The following PIBF1 variants were observed in gnomAD, a reference collection of about 807,000 sequenced individuals.
PIBF1 encodes the protein progesterone immunomodulatory binding factor 1.
A neutral mutation model predicts 112.5 loss-of-function variants in PIBF1; 90 were observed. The ratio of observed to expected loss-of-function variants is 0.80; its 90% confidence interval spans 0.67 to 0.95. PIBF1 has a LOEUF of 0.95. Among genes scored for constraint, PIBF1 ranks in the 40% least tolerant of loss-of-function variants. PIBF1 has a pLI of 0.00. For synonymous variants in PIBF1, 301 were observed against 288.6 expected (o/e 1.04, Z -0.44); for missense variants, 915 against 852.3 (o/e 1.07, Z -0.92).
intron 16 of PIBF1, among the ~76,000 whole-genome samples, chr13:72,991,783 A>G (rs901675232): frequency 1.3e-5 from 2 of 150,744 alleles, no homozygotes; most frequent in African/African-American, 4.9e-5. Context: ...CAGTGGCACG[A>G]TCTCGGCTCA....
At chr13:72,999,448 A>G (rs992179974) in intron 17 of PIBF1, among the ~76,000 whole-genome samples, 1 of 152,134 alleles carries the variant, frequency 6.6e-6, no homozygotes, top group Non-Finnish European at 1.5e-5. Context: ...AATAGGAGTA[A>G]CATTATTAAA....
intron 5 of PIBF1, among the ~76,000 whole-genome samples, chr13:72,809,361 T>G (rs2035893328): frequency 6.6e-6 from 1 of 151,804 alleles, no homozygotes; most frequent in South Asian, 2.1e-4. Flanking sequence ...TTGTGTTCCA[T>G]AATATGTATT....
At chr13:72,914,904 CCT>C (rs1241648299) in intron 12 of PIBF1, among the ~76,000 whole-genome samples, 1 of 152,110 alleles carries the variant, frequency 6.6e-6, no homozygotes, top group African/African-American at 2.4e-5. Context: ...ATTTGCATTT[CCT>C]CTTTCTTCCC....
chr13:72,898,507 G>T (rs1440697891), intron 11 of PIBF1, among the ~76,000 whole-genome samples: 2 of 151,804 alleles, frequency 1.3e-5, no homozygotes, highest in African/African-American at 4.8e-5. Flanking sequence ...CAAGGTAAAT[G>T]AAACAAAAAG....
intron 10 of PIBF1, among the ~76,000 whole-genome samples, chr13:72,871,169 T>A (rs1471012206): frequency 6.6e-6 from 1 of 152,078 alleles, no homozygotes; most frequent in Non-Finnish European, 1.5e-5. Flanking sequence ...TGGTAGAGAT[T>A]TTTCCACCTG....
chr13:72,892,743 C>A (rs997597668), intron 10 of PIBF1, among the ~76,000 whole-genome samples: 6 of 150,818 alleles, frequency 4.0e-5, no homozygotes, highest in Non-Finnish European at 8.9e-5. Context: ...ACTCACATTT[C>A]TTCTCCCTAG....
At chr13:72,933,331 G>A (rs903392080) in intron 14 of PIBF1, among the ~76,000 whole-genome samples, 3 of 152,224 alleles carry the variant, frequency 2.0e-5, no homozygotes, top group African/African-American at 7.2e-5. Context: ...GAGCTGAGGA[G>A]TTTGAGCCTT....
chr13:72,943,733 C>A (rs1594243531), intron 14 of PIBF1, among the ~76,000 whole-genome samples: 2 of 152,178 alleles, frequency 1.3e-5, no homozygotes, highest in East Asian at 1.9e-4. Flanking sequence ...TTGTTGACTT[C>A]TTTTTCTCTG....
At chr13:72,949,199 C>A (rs1196370465) in intron 14 of PIBF1, among the ~76,000 whole-genome samples, 1 of 148,922 alleles carries the variant, frequency 6.7e-6, no homozygotes, top group Admixed American at 6.7e-5. Context: ...AAACTGGCCA[C>A]AAAGTTGACC....
intron 16 of PIBF1, among the ~76,000 whole-genome samples, chr13:72,977,324 C>T (rs1237874427): frequency 6.6e-6 from 1 of 151,998 alleles, no homozygotes; most frequent in Non-Finnish European, 1.5e-5. Flanking sequence ...CCTGCCTCAG[C>T]CCCCCAAGTA....
intron 17 of PIBF1, among the ~76,000 whole-genome samples, chr13:73,010,984 A>G (rs1042721171): frequency 6.6e-6 from 1 of 150,802 alleles, no homozygotes; most frequent in Non-Finnish European, 1.5e-5. Context: ...CTGCCACCAC[A>G]CCCGGCTAAT....
intron 6 of PIBF1, among the ~76,000 whole-genome samples, chr13:72,824,792 AT>A (rs2036725068): frequency 6.6e-6 from 1 of 152,210 alleles, no homozygotes; most frequent in Non-Finnish European, 1.5e-5. Context: ...ACTCTGGCAG[AT>A]GCTACCTTAA....
intron 4 of PIBF1, among the ~76,000 whole-genome samples, chr13:72,796,277 A>G (rs1263091291): frequency 6.6e-6 from 1 of 152,164 alleles, no homozygotes; most frequent in Non-Finnish European, 1.5e-5. Context: ...TTACTAGGAA[A>G]GTCGTTTTGA....
At chr13:72,915,864 T>C (rs1047402459) in intron 12 of PIBF1, among the ~76,000 whole-genome samples, 3 of 152,202 alleles carry the variant, frequency 2.0e-5, no homozygotes, top group Non-Finnish European at 4.4e-5. Flanking sequence ...CCCTATTACA[T>C]TGATAGGCAT....
intron 9 of PIBF1, among the ~76,000 whole-genome samples, chr13:72,852,949 C>G (rs1451963530): frequency 1.3e-5 from 2 of 151,892 alleles, no homozygotes; most frequent in African/African-American, 4.8e-5. Flanking sequence ...CTTCAGTTTA[C>G]TCAGCTAAAA....
intron 8 of PIBF1, among the ~76,000 whole-genome samples, chr13:72,828,171 G>A (rs1219795456): frequency 1.3e-5 from 2 of 150,556 alleles, no homozygotes; most frequent in Non-Finnish European, 2.9e-5. Flanking sequence ...TTTTAGGTAC[G>A]TTTCTTGAAT....
intron 12 of PIBF1, among the ~76,000 whole-genome samples, chr13:72,909,823 T>C (rs2040836006): frequency 6.6e-6 from 1 of 152,168 alleles, no homozygotes; most frequent in African/African-American, 2.4e-5. Flanking sequence ...AAATAAAAAT[T>C]CATTTGAGGG....
At chr13:72,934,541 G>T (rs929024051) in intron 14 of PIBF1, among the ~76,000 whole-genome samples, 2 of 151,986 alleles carry the variant, frequency 1.3e-5, no homozygotes, top group African/African-American at 2.4e-5. Flanking sequence ...TTTGGATCAG[G>T]TTAAATATTT....
At chr13:72,891,870 G>C (rs2040070044) in intron 10 of PIBF1, among the ~76,000 whole-genome samples, 1 of 152,044 alleles carries the variant, frequency 6.6e-6, no homozygotes, top group South Asian at 2.1e-4. Flanking sequence ...ATGTTATTCG[G>C]TTATAAAAAG....
Sources: allele counts gnomAD v4.1 joint callset (sites outside exome capture counted in the v4.1 genomes callset), GRCh38; gene constraint gnomAD v4.1.1; transcripts MANE v1.5; gene names NCBI Gene and HGNC (gene_info 2026-07-23, HGNC 2026-07-21).